Variants in TG observed in about 807,000 individuals in gnomAD.
TG encodes the protein thyroglobulin, also known as thyroid hormones.
TG carries 270 observed loss-of-function variants against 324.7 expected under a neutral mutation model. The observed-to-expected ratio is 0.83, with a 90% CI of 0.75 to 0.92. The LOEUF is 0.92. Ranked by LOEUF, TG falls within the 40% of genes least tolerant of loss-of-function variation. The probability of loss-of-function intolerance (pLI) is 0.00; values close to 1 mark genes in which losing one functional copy is unlikely to be tolerated. For synonymous variants in TG, 1,401 were observed against 1,327.0 expected, an observed-to-expected ratio of 1.06 and a Z score of -1.21; for missense variants, 3,591 against 3,456.4, an observed-to-expected ratio of 1.04 and a Z score of -0.98.
chr8:133,031,849 C>G (rs981339336), intron 41 of TG, among the ~76,000 whole-genome samples: 1 of 152,218 alleles, frequency 6.6e-6, no homozygotes, highest in Admixed American at 6.5e-5. Flanking sequence ...CCATCCCCCT[C>G]TTTGCCTGCC....
At chr8:132,995,422 G>C (rs1832778769) in intron 35 of TG, 1 of 985,186 alleles carries the variant, frequency 1.0e-6, no homozygotes, top group African/African-American at 1.7e-5. Context: ...GTTCAAGGCA[G>C]CTGTGTGAGC....
intron 26 of TG, among the ~76,000 whole-genome samples, chr8:132,945,761 T>G (rs1587517979): frequency 1.3e-5 from 2 of 151,880 alleles, no homozygotes; most frequent in East Asian, 3.9e-4. Context: ...GAGATGGGGA[T>G]AGTGGATCCT....
In TG at chr8:132,906,789, C is replaced by A; in HGVS notation, c.3736C>A (p.Gln1246Lys). 1 of 1,614,220 alleles carries A rather than the reference C, an allele frequency of 6.2e-7. No individual in the cohort carries two copies. ...CACAGGCTCTGCCATGCAGCAGTGCCAATTGCTGTGCCGCCAGGGCTCCTG... is the reference window on the plus strand; with the variant it reads ...CACAGGCTCTGCCATGCAGCAGTGCAAATTGCTGTGCCGCCAGGGCTCCTG... ...GPTGSAMQQC[Q>K]LLCRQGSWSV... Residue 1246 changes from glutamine (Q) to lysine (K), a missense_variant, in exon 17 of 48, where the codon CAA (glutamine) becomes AAA (lysine). Transcript: ENST00000220616.
At position 132,898,872 on chromosome 8, in the gene TG, C is replaced by T. The variant is rs200340687; in HGVS notation, c.3292C>T (p.Pro1098Ser). Residue 1098 changes from proline to serine, a missense_variant, in exon 14 of 48, where the codon CCA becomes TCA. Transcript: ENST00000220616. ...SWKQARSQEN[P>S]SPKDLFVPAC... ...GAAACAGGCTAGATCCCAAGAAAAC[C>T]CATCTCCAAAAGACCTGTTCGTCCC... The T allele has an allele frequency of 1.9e-6, 3 of 1,614,052 alleles. No individual in the cohort carries two copies. The highest frequency in any genetic ancestry group is 2.5e-6 in the Non-Finnish European group (3 of 1,180,048).
chr8:133,130,257 T>A (rs1051421812), intron 45 of TG, among the ~76,000 whole-genome samples: 2 of 152,210 alleles, frequency 1.3e-5, no homozygotes, highest in Non-Finnish European at 2.9e-5. Flanking sequence ...TGCAGCTTCC[T>A]CTGGAGGAAA....
intron 35 of TG, among the ~76,000 whole-genome samples, chr8:132,993,442 C>G (rs1238272712): frequency 2.0e-5 from 3 of 152,160 alleles, no homozygotes; most frequent in Non-Finnish European, 4.4e-5. Context: ...GATGATTATA[C>G]CACTTCAAAG....
rs932583448 is a variant in TG, at chr8:132,866,996, G to C, written c.-5G>C. 6.3e-7 allele frequency: 1 copy of C among 1,590,764 alleles called. No individual in the cohort carries two copies. Among genetic ancestry groups the C allele is most frequent in the Non-Finnish European group, 8.6e-7 (1 of 1,166,806 alleles). On this transcript the variant is annotated 5_prime_UTR_variant, in exon 1 of 48. Transcript: ENST00000220616. ...TCCTCCTTCCTCCCAGGAAGGGCCA[G>C]GAAAATGGCCCTGGTCCTGGAGATC...
At chr8:132,935,493 G>T (rs1435945369) in intron 24 of TG, among the ~76,000 whole-genome samples, 1 of 151,966 alleles carries the variant, frequency 6.6e-6, no homozygotes, top group African/African-American at 2.4e-5. Context: ...ACTTTTTCTG[G>T]GAAACTTTTC....
At chr8:133,003,118 T>C (rs922033511) in intron 35 of TG, 29 of 819,084 alleles carry the variant, frequency 3.5e-5, no homozygotes, top group Non-Finnish European at 4.3e-5. Flanking sequence ...CTGAAAGGCT[T>C]TTTGGCAATT....
chr8:133,006,739 G>A (rs1834049162), intron 35 of TG, among the ~76,000 whole-genome samples: 1 of 152,222 alleles, frequency 6.6e-6, no homozygotes, highest in South Asian at 2.1e-4. Context: ...ATTATGAATA[G>A]TCAGTTGTAT....
At chr8:133,014,325 C>T (rs1022638686) in intron 37 of TG, among the ~76,000 whole-genome samples, 5 of 152,154 alleles carry the variant, frequency 3.3e-5, no homozygotes, top group South Asian at 2.1e-4. Context: ...TTTTAAAACA[C>T]GTGTCAGATA....
Position 132,911,437 on chromosome 8 carries a change from G to A in TG, c.4063G>A (p.Gly1355Ser), listed in dbSNP as rs1335880630. ...CTGCAACAACTCCTCTGTGCAGGTG[G>A]GTTGTCTGACCAGGGAGCGTTTAGG... is the stretch of plus-strand genomic sequence containing the variant. Reference protein sequence around the residue: ...PVCNNSSVQVGCLTRERLGVN... With the variant: ...PVCNNSSVQVSCLTRERLGVN... The change falls in exon 19 of 48, where the codon GGT becomes AGT. Residue 1355 changes from glycine (G) to serine (S), a missense_variant. Gly to Ser is a moderately conservative substitution (Grantham distance 56). Coordinates refer to ENST00000220616, the MANE Select transcript of TG (RefSeq NM_003235.5). 6.2e-6 allele frequency: 10 copies of A among 1,614,210 alleles called. No homozygotes were observed. Among genetic ancestry groups the A allele is most frequent in the South Asian group, 3.3e-5 (3 of 91,084 alleles).
At chr8:133,072,471 T>C (rs941431123) in intron 41 of TG, among the ~76,000 whole-genome samples, 2 of 152,158 alleles carry the variant, frequency 1.3e-5, no homozygotes, top group Non-Finnish European at 2.9e-5. Flanking sequence ...GATGGATAGA[T>C]AGATAGATGG....
intron 25 of TG, among the ~76,000 whole-genome samples, chr8:132,939,599 C>T (rs963826269): frequency 6.6e-6 from 1 of 151,882 alleles, no homozygotes; most frequent in Non-Finnish European, 1.5e-5. Context: ...CATAAAACAT[C>T]TGCTGAGCAT....
At chr8:133,059,145 G>A (rs532909631) in intron 41 of TG, 53 of 456,288 alleles carry the variant, frequency 1.2e-4, no homozygotes, top group Middle Eastern at 3.3e-4. Flanking sequence ...AGTGAACTCC[G>A]CCCAGGGCGG....
intron 37 of TG, among the ~76,000 whole-genome samples, chr8:133,017,010 GGGGCACCCA>G (rs1835089431): frequency 1.3e-5 from 2 of 152,334 alleles, no homozygotes; most frequent in South Asian, 4.1e-4. Flanking sequence ...CTCACAAGCT[GGGGCACCCA>G]GGGCAACCTT....
intron 41 of TG, chr8:133,075,946 T>C (rs1013117169): frequency 6.6e-6 from 1 of 152,194 alleles, no homozygotes; most frequent in African/African-American, 2.4e-5. Context: ...TTATATATTA[T>C]AAAATGTATG....
intron 35 of TG, chr8:133,002,162 A>C: frequency 1.0e-6 from 1 of 985,404 alleles, no homozygotes; most frequent in Non-Finnish European, 1.2e-6. Flanking sequence ...AAATGCTTGG[A>C]GGCACTTTCC....
intron 45 of TG, among the ~76,000 whole-genome samples, chr8:133,120,088 T>G (rs1044302828): frequency 1.3e-5 from 2 of 152,132 alleles, no homozygotes; most frequent in African/African-American, 4.8e-5. Context: ...GCCTTGGCAG[T>G]GTCCTCCTCG....
Sources: gnomAD v4.1 joint callset for allele counts (sites outside exome capture counted in the v4.1 genomes callset) on GRCh38, gnomAD v4.1.1 for gene constraint, MANE v1.5 for transcripts, NCBI Gene and HGNC (gene_info 2026-07-23, HGNC 2026-07-21) for gene names.